Variants in GLIS3 observed in about 807,000 individuals in gnomAD.
The protein encoded by GLIS3 is zinc finger protein GLIS3.
Under a neutral mutation model 78.6 loss-of-function variants are expected in GLIS3, and 53 were observed. That is an observed-to-expected ratio of 0.67 (90% confidence interval 0.54 to 0.85). The LOEUF (loss-of-function observed/expected upper bound fraction) is 0.85. Ranked by LOEUF, GLIS3 falls within the 40% of genes least tolerant of loss-of-function variation. The pLI, the probability that GLIS3 is intolerant of heterozygous loss-of-function variation, is 0.00. For synonymous variants in GLIS3, 684 were observed against 509.9 expected, an observed-to-expected ratio of 1.34 and a Z score of -4.60; for missense variants, 1,703 against 1,231.1, an observed-to-expected ratio of 1.38 and a Z score of -5.74.
intron 2 of GLIS3, among the ~76,000 whole-genome samples, chr9:4,145,552 A>C (rs1489210258): frequency 6.6e-6 from 1 of 152,196 alleles, no homozygotes; most frequent in Non-Finnish European, 1.5e-5. Context: ...ATGAGGCTAA[A>C]ATGAATCTAA....
At chr9:3,871,930 T>G (rs903516372) in intron 8 of GLIS3, among the ~76,000 whole-genome samples, 1 of 152,240 alleles carries the variant, frequency 6.6e-6, no homozygotes, top group Non-Finnish European at 1.5e-5. Context: ...TTTTTCAAAC[T>G]TCTATGCTCT....
At chr9:4,323,510 G>A (rs1817565562) in intron 2 of GLIS3, among the ~76,000 whole-genome samples, 1 of 152,106 alleles carries the variant, frequency 6.6e-6, no homozygotes, top group Admixed American at 6.5e-5. Context: ...TTATGTGAAT[G>A]CCTTCCTGCC....
At chr9:4,123,915 T>C in intron 3 of GLIS3, 1 of 396,124 alleles carries the variant, frequency 2.5e-6, no homozygotes, top group Non-Finnish European at 4.5e-6. Context: ...GCAGCATCTC[T>C]CAAACTGGAC....
intron 6 of GLIS3, among the ~76,000 whole-genome samples, chr9:3,927,090 A>AT (rs111951639): frequency 2.2e-4 from 34 of 151,944 alleles, no homozygotes; most frequent in African/African-American, 5.3e-4. Flanking sequence ...TTTTCTGTTT[A>AT]TTTTTTTTAC....
the GLIS3 span, among the ~76,000 whole-genome samples, chr9:4,441,929 T>C: frequency 6.6e-6 from 1 of 152,144 alleles, no homozygotes; most frequent in Admixed American, 6.5e-5. Context: ...GTTGTTGTCT[T>C]TGTTAGGTTT....
chr9:3,985,134 C>A (rs1819636216), intron 4 of GLIS3, among the ~76,000 whole-genome samples: 1 of 151,538 alleles, frequency 6.6e-6, no homozygotes, highest in South Asian at 2.1e-4. Flanking sequence ...CCATTTCAGT[C>A]AAAATTATTA....
chr9:4,321,461 A>AAAAAAAAAAAAAAAAAT (rs1563932116), intron 2 of GLIS3, among the ~76,000 whole-genome samples: 1 of 140,920 alleles, frequency 7.1e-6, no homozygotes, highest in African/African-American at 2.7e-5. Flanking sequence ...AAAAAAAAAA[A>AAAAAAAAAAAAAAAAAT]AATCAGGTGC....
chr9:3,982,852 T>C (rs1389664077), intron 4 of GLIS3, among the ~76,000 whole-genome samples: 1 of 152,200 alleles, frequency 6.6e-6, no homozygotes, highest in East Asian at 1.9e-4. Flanking sequence ...GAAGGTAGGA[T>C]AATTGAGGCC....
At chr9:3,891,531 A>G (rs1485307027) in intron 7 of GLIS3, among the ~76,000 whole-genome samples, 1 of 152,132 alleles carries the variant, frequency 6.6e-6, no homozygotes, top group African/African-American at 2.4e-5. Context: ...TTGTCTCTAC[A>G]CAAAATAATT....
rs370827708 is a variant in GLIS3 at position 4,118,868 on chromosome 9, G to A, written c.610C>T (p.Arg204Cys). The change falls in exon 4 of 11, where the codon CGT becomes TGT. Residue 204 changes from arginine (R) to cysteine (C), a missense_variant. Physicochemically the swap from Arg to Cys is radical, Grantham distance 180. Coordinates refer to ENST00000381971, the MANE Select transcript of GLIS3 (RefSeq NM_001042413.2). The surrounding 1 kb of genome is among the most constrained non-coding windows in gnomAD (Gnocchi z 4.7). The part of the protein sequence containing the change: ...PPSDTRSLIS[R>C]ESLASTTLSL... ...AAGGTCGTGGACGCCAAAGACTCAC[G>A]CGAAATAAGGGACCTGGAACAGCAG... is the stretch of plus-strand genomic sequence containing the variant. 8 of 1,601,160 alleles carry A rather than the reference G, an allele frequency of 5.0e-6. No individual in the cohort carries two copies. Among genetic ancestry groups the A allele is most frequent in the African/African-American group, 4.0e-5 (3 of 74,826 alleles).
At chr9:4,479,346 T>G in the GLIS3 span, among the ~76,000 whole-genome samples, 9 of 152,244 alleles carry the variant, frequency 5.9e-5, no homozygotes, top group African/African-American at 2.2e-4. Flanking sequence ...TTGTCCTTCA[T>G]GTCCCTGCTT....
intron 2 of GLIS3, among the ~76,000 whole-genome samples, chr9:4,138,885 C>G (rs1056864900): frequency 1.7e-4 from 26 of 152,154 alleles, no homozygotes; most frequent in Admixed American, 1.2e-3. Flanking sequence ...CCTCCAAAAC[C>G]AGGCACCCCA....
chr9:4,374,472 T>A, the GLIS3 span, among the ~76,000 whole-genome samples: 1 of 152,248 alleles, frequency 6.6e-6, no homozygotes, highest in Non-Finnish European at 1.5e-5. Flanking sequence ...TATTGGCCAG[T>A]CTCTAAAAGA....
chr9:4,258,602 G>A (rs916751706), intron 2 of GLIS3, among the ~76,000 whole-genome samples: 2 of 152,146 alleles, frequency 1.3e-5, no homozygotes, highest in Non-Finnish European at 2.9e-5. Flanking sequence ...CTGGAAGATG[G>A]CCTTTGCTTT....
At chr9:4,244,403 G>C (rs997545292) in intron 2 of GLIS3, among the ~76,000 whole-genome samples, 4 of 152,190 alleles carry the variant, frequency 2.6e-5, no homozygotes, top group African/African-American at 9.6e-5. Flanking sequence ...ACAGGCGTAT[G>C]CTGTTAGTAT....
chr9:3,937,604 A>G (rs1825967921), intron 4 of GLIS3, among the ~76,000 whole-genome samples: 2 of 151,470 alleles, frequency 1.3e-5, no homozygotes, highest in African/African-American at 2.4e-5. Flanking sequence ...AACTAATAAG[A>G]AAAAAAAAGT....
At chr9:4,042,863 T>C (rs960464355) in intron 4 of GLIS3, among the ~76,000 whole-genome samples, 14 of 151,824 alleles carry the variant, frequency 9.2e-5, no homozygotes, top group African/African-American at 3.1e-4. Flanking sequence ...TTATATTGAG[T>C]TTGAGTAAAA....
At chr9:4,134,167 T>C (rs1271562761) in intron 2 of GLIS3, among the ~76,000 whole-genome samples, 1 of 152,170 alleles carries the variant, frequency 6.6e-6, no homozygotes, top group Non-Finnish European at 1.5e-5. Flanking sequence ...GGCCCTTTTA[T>C]TTCCTAGCAA....
chr9:4,283,458 G>A (rs897506939), intron 2 of GLIS3, among the ~76,000 whole-genome samples: 15 of 151,986 alleles, frequency 9.9e-5, no homozygotes, highest in Admixed American at 3.3e-4. Flanking sequence ...CAGAGGCGGC[G>A]TTTCACCATC....
Sources: allele counts gnomAD v4.1 joint callset (sites outside exome capture counted in the v4.1 genomes callset), GRCh38; gene constraint gnomAD v4.1.1; non-coding constraint Gnocchi (gnomAD v3.1); transcripts MANE v1.5; gene names NCBI Gene and HGNC (gene_info 2026-07-23, HGNC 2026-07-21).